The following EFHC1 variants were observed in gnomAD, a reference collection of about 807,000 sequenced individuals.
EFHC1 encodes the protein EF-hand domain-containing protein 1.
In EFHC1, 53 loss-of-function variants were observed where a neutral mutation model predicts 69.9. That is an observed-to-expected ratio of 0.76 (90% CI 0.61 to 0.95). The LOEUF (loss-of-function observed/expected upper bound fraction) is 0.95, where lower values mean the gene tolerates loss of function less well. Among genes scored for constraint, EFHC1 ranks in the 40% least tolerant of loss-of-function variants. The pLI, the probability that EFHC1 is intolerant of heterozygous loss-of-function variation, is 0.00. For missense variants in EFHC1, 739 were observed against 798.7 expected, an observed-to-expected ratio of 0.93 and a Z score of 0.90; for synonymous variants, 256 against 278.4, an observed-to-expected ratio of 0.92 and a Z score of 0.80.
chr6:52,493,439 T>G lies in EFHC1; in HGVS notation c.*1098T>G. On this transcript the variant is annotated 3_prime_UTR_variant, in exon 11 of 11. Coordinates refer to ENST00000371068, the MANE Select transcript of EFHC1 (RefSeq NM_018100.4). Reference sequence around the variant, plus strand: ...CGCTTATATGTATACATATAGTATGTATATGTGTATATATATTATGTATAT... The same window carrying G: ...CGCTTATATGTATACATATAGTATGGATATGTGTATATATATTATGTATAT... 1 of 388,006 alleles carries G rather than the reference T, an allele frequency of 2.6e-6. No individual in the cohort carries two copies. Among genetic ancestry groups the G allele is most frequent in the East Asian group, 7.3e-5 (1 of 13,696 alleles). 24.0% of individuals were successfully genotyped at this position (388,006 alleles called of 1,614,324 possible). A position where few individuals can be genotyped will look rare whatever the true frequency, so the allele number is the denominator to read the frequency against.
At chr6:52,450,117 A>G (rs1764882458) in intron 3 of EFHC1, among the ~76,000 whole-genome samples, 1 of 152,034 alleles carries the variant, frequency 6.6e-6, no homozygotes, top group African/African-American at 2.4e-5. Flanking sequence ...CATGGTTTTG[A>G]GTGGTTTTTT....
chr6:52,425,462 A>C (rs915323464), intron 2 of EFHC1, among the ~76,000 whole-genome samples: 2 of 152,194 alleles, frequency 1.3e-5, no homozygotes, highest in Non-Finnish European at 2.9e-5. Flanking sequence ...TGTCGTAAGA[A>C]AGTATTAGTA....
In EFHC1 at chr6:52,479,163, A is replaced by G. The variant is rs1370532905; in HGVS notation, c.1405A>G (p.Arg469Gly). Residue 469 changes from arginine to glycine, a missense_variant, in exon 8 of 11, where the codon AGG becomes GGG. Arg to Gly is a moderately radical substitution (Grantham distance 125). Transcript: ENST00000371068. ...SGIIGGKYLG[R>G]TKVVKPYSTV... The stretch of plus-strand genomic sequence containing the variant: ...TATCATTGGGGGCAAGTACCTTGGC[A>G]GGACTAAAGTTGTTAAACCATACTC... The G allele has an allele frequency of 1.9e-6, 3 of 1,614,024 alleles. No individual in the cohort carries two copies. The highest frequency in any genetic ancestry group is 2.5e-6 in the Non-Finnish European group (3 of 1,180,012).
intron 9 of EFHC1, chr6:52,481,545 G>A (rs1014902578): frequency 2.1e-5 from 3 of 143,464 alleles, no homozygotes; most frequent in African/African-American, 8.5e-5. Flanking sequence ...TCTCTCGACA[G>A]GATCTCGCTC....
intron 3 of EFHC1, among the ~76,000 whole-genome samples, chr6:52,448,880 G>A (rs1764852186): frequency 6.6e-6 from 1 of 152,094 alleles, no homozygotes; most frequent in African/African-American, 2.4e-5. Context: ...TGATTGTGGT[G>A]GATTACCTTT....
At chr6:52,448,085 A>G (rs1175491919) in intron 3 of EFHC1, among the ~76,000 whole-genome samples, 7 of 151,990 alleles carry the variant, frequency 4.6e-5, no homozygotes, top group African/African-American at 7.3e-5. Context: ...GAGAACCACT[A>G]CTCTCTTCAA....
At chr6:52,446,785 G>C (rs1562450088) in intron 3 of EFHC1, among the ~76,000 whole-genome samples, 1 of 152,088 alleles carries the variant, frequency 6.6e-6, no homozygotes, top group South Asian at 2.1e-4. Flanking sequence ...GCATTTGTTT[G>C]TCTATAAAGG....
At chr6:52,426,360 C>T (rs566382251) in intron 2 of EFHC1, among the ~76,000 whole-genome samples, 51 of 152,276 alleles carry the variant, frequency 3.3e-4, no homozygotes, top group Non-Finnish European at 6.8e-4. Context: ...CTGTGCTCTT[C>T]TTTTGCCTCC....
Position 52,495,901 on chromosome 6 carries a change from A to G in EFHC1, c.*3560A>G, listed in dbSNP as rs1386402870. Reference sequence around the variant, plus strand: ...AGAGATTTCATGAAAGACCAAAGCCAGCAGGCCATTTCTGTGGTGTCCAAA... The same window carrying G: ...AGAGATTTCATGAAAGACCAAAGCCGGCAGGCCATTTCTGTGGTGTCCAAA... On this transcript the variant is annotated 3_prime_UTR_variant, in exon 11 of 11. Transcript: ENST00000371068. The G allele has an allele frequency of 3.3e-6, 1 of 298,556 alleles. No homozygotes were observed. Among genetic ancestry groups the G allele is most frequent in the Non-Finnish European group, 6.5e-6 (1 of 153,438 alleles). The allele number at this position is 298,556 out of a possible 1,614,324, so 18.5% of individuals were successfully genotyped here.
At chr6:52,420,522 C>G in intron 1 of EFHC1, 49 bp downstream of exon 1, 1 of 1,611,548 alleles carries the variant, frequency 6.2e-7, no homozygotes, top group South Asian at 1.1e-5. Context: ...TTCCAGCAGC[C>G]CAGGAGGTTT....
intron 2 of EFHC1, among the ~76,000 whole-genome samples, chr6:52,429,757 G>A (rs972699512): frequency 8.5e-5 from 13 of 152,104 alleles, no homozygotes; most frequent in African/African-American, 2.9e-4. Context: ...GATGGGAATT[G>A]CATTGAATTT....
intron 3 of EFHC1, 96 bp from the exon 4 acceptor site, chr6:52,452,592 G>T: frequency 6.9e-7 from 1 of 1,441,504 alleles, no homozygotes. Flanking sequence ...CTGAGCCACA[G>T]TGCCTGGCCC....
intron 5 of EFHC1, among the ~76,000 whole-genome samples, chr6:52,455,658 A>C (rs1190696640): frequency 1.3e-5 from 2 of 152,082 alleles, no homozygotes; most frequent in Non-Finnish European, 2.9e-5. Flanking sequence ...CATCTCAAAA[A>C]AAAAAAGAAA....
In EFHC1 at chr6:52,452,803, A is replaced by G. The variant is rs1205424425; in HGVS notation, c.689A>G (p.Asp230Gly). The change falls in exon 4 of 11, where the codon GAT (aspartate) becomes GGT (glycine). Residue 230 changes from aspartate to glycine, a missense_variant. Coordinates refer to ENST00000371068, the MANE Select transcript of EFHC1 (RefSeq NM_018100.4). ...AAGTATGTCACCCCATCAGACTTTG[A>G]TCAACTCAAGCAATTTCTCACCTTT... ...LRKYVTPSDFDQLKQFLTFDK... is the reference protein window; with the variant it reads ...LRKYVTPSDFGQLKQFLTFDK... 6.2e-7 allele frequency: 1 copy of G among 1,614,180 alleles called. No homozygotes were observed. Among genetic ancestry groups the G allele is most frequent in the East Asian group, 2.2e-5 (1 of 44,876 alleles).
rs1764970418 is a variant in EFHC1 at position 52,453,673 on chromosome 6, T to C, written c.724-422T>C. ...TTATATTATTGCTAGAAGATATGTG[T>C]TGATGGGACCAAAAAAAGACTGGTT... is the stretch of plus-strand genomic sequence containing the variant. On this transcript the variant is annotated intron_variant, in intron 4 of 10. Coordinates refer to ENST00000371068, the MANE Select transcript of EFHC1 (RefSeq NM_018100.4). The C allele has an allele frequency of 3.2e-6, 4 of 1,257,584 alleles. No individual in the cohort carries two copies. The South Asian group carries it at 5.5e-5, about 17-fold the overall frequency. 77.9% of individuals were successfully genotyped at this position (1,257,584 alleles called of 1,614,324 possible).
At chr6:52,421,228 C>T (rs1459949191) in intron 1 of EFHC1, among the ~76,000 whole-genome samples, 1 of 152,186 alleles carries the variant, frequency 6.6e-6, no homozygotes, top group Non-Finnish European at 1.5e-5. Flanking sequence ...GCATCTTTCC[C>T]TGCTTTGTAA....
intron 4 of EFHC1, chr6:52,453,847 CTCT>C (rs1764975803): frequency 1.5e-6 from 2 of 1,339,566 alleles, no homozygotes; most frequent in Admixed American, 2.2e-5. Context: ...TCAAAGTGAG[CTCT>C]TCTTTTTTGG....
rs1766017376 is a variant in EFHC1, at chr6:52,495,087, A to G, written c.*2746A>G. On this transcript the variant is annotated 3_prime_UTR_variant, in exon 11 of 11. Transcript: ENST00000371068. ...GTCTGTACCTGATCACCCCGGCTCT[A>G]ATGGTATGGTCTCCAAGGCTCCTTC... 2.2e-6 allele frequency: 1 copy of G among 453,902 alleles called. No homozygotes were observed. Among genetic ancestry groups the G allele is most frequent in the Non-Finnish European group, 4.4e-6 (1 of 226,764 alleles). 28.1% of individuals were successfully genotyped at this position (453,902 alleles called of 1,614,324 possible).
chr6:52,492,253 C>A lies in EFHC1; in HGVS notation c.1852-17C>A. 1 of 1,612,414 alleles carries A rather than the reference C, an allele frequency of 6.2e-7. No homozygotes were observed. Reference sequence around the variant, plus strand: ...CCTGCAGATCTGTCTCACCTATTCTCTTTGCTCTCTCTGCAGTTAATCAGG... The same window carrying A: ...CCTGCAGATCTGTCTCACCTATTCTATTTGCTCTCTCTGCAGTTAATCAGG... On this transcript the variant is annotated splice_polypyrimidine_tract_variant and intron_variant, in intron 10 of 10. Transcript: ENST00000371068.
Sources: allele counts gnomAD v4.1 joint callset (sites outside exome capture counted in the v4.1 genomes callset), GRCh38; gene constraint gnomAD v4.1.1; transcripts MANE v1.5; gene names NCBI Gene and HGNC (gene_info 2026-07-23, HGNC 2026-07-21).